The following ILRUN variants were observed in gnomAD, a reference collection of about 807,000 sequenced individuals.
ILRUN encodes protein ILRUN.
Under a neutral mutation model 33.8 loss-of-function variants are expected in ILRUN, and 3 were observed. That is an observed-to-expected ratio of 0.09 (90% CI 0.04 to 0.23). The LOEUF (loss-of-function observed/expected upper bound fraction) is 0.23. ILRUN is among the 10% of genes least tolerant of loss of function. The probability of loss-of-function intolerance (pLI) is 1.00; values close to 1 mark genes in which losing one functional copy is unlikely to be tolerated. For synonymous variants in ILRUN, 124 were observed against 138.9 expected (o/e 0.89, Z 0.75); for missense variants, 210 against 375.1 (o/e 0.56, Z 3.64).
chr6:34,659,710 C>T (rs1268277765), intron 1 of ILRUN, among the ~76,000 whole-genome samples: 2 of 150,334 alleles, frequency 1.3e-5, no homozygotes, highest in African/African-American at 4.9e-5. Flanking sequence ...CAACCTCCAC[C>T]TCCCGGGTTC....
intron 4 of ILRUN, among the ~76,000 whole-genome samples, chr6:34,604,599 C>T (rs1004044209): frequency 1.3e-5 from 2 of 152,190 alleles, no homozygotes; most frequent in Admixed American, 6.5e-5. Flanking sequence ...CATGCTTAGC[C>T]CAGGGCTGGC....
rs192853951 is a variant in ILRUN at position 34,590,709 on chromosome 6, C to T, written c.862-109G>A. On this transcript the variant is annotated intron_variant, in intron 4 of 4. Coordinates refer to ENST00000374023, the MANE Select transcript of ILRUN (RefSeq NM_024294.4). ...CAGTGAGTCACAAGGAAGCCCCAAT[C>T]CACAGACAAGGCCTGAGGGTCTTTG... 8.4e-3 allele frequency: 6,984 copies of T among 833,618 alleles called. 36 individuals carry two copies. Among genetic ancestry groups the T allele is most frequent in the Non-Finnish European group, 0.012 (5,525 of 476,190 alleles). 51.6% of individuals were successfully genotyped at this position (833,618 alleles called of 1,614,324 possible).
chr6:34,650,407 T>TTATATTTA (rs1554186669), intron 2 of ILRUN, among the ~76,000 whole-genome samples: 1 of 141,440 alleles, frequency 7.1e-6, no homozygotes, highest in African/African-American at 2.6e-5. Flanking sequence ...ATTTATTTAT[T>TTATATTTA]TTTATTTATT....
rs145271124 is a variant in ILRUN at position 34,683,558 on chromosome 6, G to A, written c.158+12888C>T. Among the ~76,000 whole-genome samples, 298 of 145,442 alleles carry A rather than the reference G, an allele frequency of 2.0e-3. 3 individuals carry two copies. The highest frequency in any genetic ancestry group is 3.8e-3 in the Non-Finnish European group (256 of 67,052). ...TTGCACAGAATATTCTGTGCAATGG[G>A]GCAATCTCAGCTCCGAATATAATGC... On this transcript the variant is annotated intron_variant, in intron 1 of 4. Coordinates refer to ENST00000374023, the MANE Select transcript of ILRUN (RefSeq NM_024294.4).
chr6:34,665,835 A>G (rs940152864), intron 1 of ILRUN, among the ~76,000 whole-genome samples: 1 of 152,202 alleles, frequency 6.6e-6, no homozygotes, highest in Non-Finnish European at 1.5e-5. Context: ...TTAAGAAGAA[A>G]TGCCACACTT....
intron 3 of ILRUN, among the ~76,000 whole-genome samples, chr6:34,645,106 A>G (rs1374572248): frequency 6.6e-6 from 1 of 152,206 alleles, no homozygotes; most frequent in African/African-American, 2.4e-5. Flanking sequence ...ACTGGCTCCA[A>G]AAACATATAT....
At chr6:34,692,675 C>G (rs1213584998) in intron 1 of ILRUN, among the ~76,000 whole-genome samples, 1 of 152,020 alleles carries the variant, frequency 6.6e-6, no homozygotes, top group Non-Finnish European at 1.5e-5. Context: ...TGGCTCATGT[C>G]TATAATCCCA....
intron 1 of ILRUN, among the ~76,000 whole-genome samples, chr6:34,695,079 A>G (rs1012878521): frequency 2.6e-5 from 4 of 151,632 alleles, no homozygotes; most frequent in Admixed American, 2.6e-4. Flanking sequence ...AAATTTACAC[A>G]TTACCTTTGG....
intron 3 of ILRUN, among the ~76,000 whole-genome samples, chr6:34,632,818 C>T (rs1477019237): frequency 1.3e-5 from 2 of 152,116 alleles, no homozygotes; most frequent in Middle Eastern, 3.4e-3. Context: ...CCACCACGCC[C>T]GGCCAGAGCA....
chr6:34,661,434 G>A (rs527799438), intron 1 of ILRUN, among the ~76,000 whole-genome samples: 1 of 152,298 alleles, frequency 6.6e-6, no homozygotes, highest in African/African-American at 2.4e-5. Flanking sequence ...TAAGGGCTGG[G>A]CACGGTGGCT....
At chr6:34,655,090 C>T (rs9968844) in intron 1 of ILRUN, among the ~76,000 whole-genome samples, 1 of 152,072 alleles carries the variant, frequency 6.6e-6, no homozygotes, top group African/African-American at 2.4e-5. Context: ...AAAGAGAGTT[C>T]TATAACTACG....
chr6:34,622,984 A>C (rs896470242), intron 3 of ILRUN, among the ~76,000 whole-genome samples: 3 of 152,234 alleles, frequency 2.0e-5, no homozygotes, highest in Non-Finnish European at 2.9e-5. Context: ...AAGTGAAATA[A>C]AGTAGTCCCA....
chr6:34,640,112 A>G (rs1390911159), intron 3 of ILRUN, among the ~76,000 whole-genome samples: 1 of 152,226 alleles, frequency 6.6e-6, no homozygotes, highest in Non-Finnish European at 1.5e-5. Flanking sequence ...TCAGATACTT[A>G]TTAGTCTTGG....
In ILRUN at chr6:34,590,239, G is replaced by A. The variant is rs149164602; in HGVS notation, c.*326C>T. 3.3e-4 allele frequency: 64 copies of A among 193,124 alleles called. No individual in the cohort carries two copies. Among genetic ancestry groups the A allele is most frequent in the African/African-American group, 1.3e-3 (58 of 43,198 alleles). 12.0% of individuals were successfully genotyped at this position (193,124 alleles called of 1,614,324 possible). The stretch of plus-strand genomic sequence containing the variant: ...AAAATAATTTTTGTTTAAAAAGATG[G>A]CTTTTTTTCCCCCATTTTAAACTTT... On this transcript the variant is annotated 3_prime_UTR_variant, in exon 5 of 5. Coordinates refer to ENST00000374023, the MANE Select transcript of ILRUN (RefSeq NM_024294.4).
At chr6:34,628,585 G>A (rs1323295405) in intron 3 of ILRUN, among the ~76,000 whole-genome samples, 1 of 151,926 alleles carries the variant, frequency 6.6e-6, no homozygotes, top group Non-Finnish European at 1.5e-5. Flanking sequence ...GCCCGCCTCG[G>A]CCTCCCAAAG....
rs1761894996 is a variant in ILRUN, at chr6:34,616,495, G to A, written c.512-9591C>T. Reference sequence around the variant, plus strand: ...TGGACTGAAACATGCCCCAACAGTAGGCAGTGCAAAAGTCAGTATTATGCT... The same window carrying A: ...TGGACTGAAACATGCCCCAACAGTAAGCAGTGCAAAAGTCAGTATTATGCT... On this transcript the variant is annotated intron_variant, in intron 3 of 4. Coordinates refer to ENST00000374023, the MANE Select transcript of ILRUN (RefSeq NM_024294.4). The A allele has an allele frequency of 7.6e-6, 6 of 786,442 alleles. No homozygotes were observed. The South Asian group carries it at 7.8e-5, about 10-fold the overall frequency. The allele number at this position is 786,442 out of a possible 1,614,324, so 48.7% of individuals were successfully genotyped here.
intron 1 of ILRUN, among the ~76,000 whole-genome samples, chr6:34,671,492 GAGAA>G (rs1358695596): frequency 1.3e-5 from 2 of 152,172 alleles, no homozygotes; most frequent in Non-Finnish European, 2.9e-5. Context: ...ATTCTATTTG[GAGAA>G]AGAAAGTTAT....
At position 34,646,661 on chromosome 6, in the gene ILRUN, T is replaced by G. The variant is rs779220846; in HGVS notation, c.451A>C (p.Arg151=). 1.9e-6 allele frequency: 3 copies of G among 1,614,196 alleles called. No individual in the cohort carries two copies. In the South Asian group the frequency reaches 3.3e-5, roughly 18 times the overall value. ...CACTGTCCCTGATACATTCCTGCTCTGCTGGGGCTGCACATCTGGACGCTG... is the reference window on the plus strand; with the variant it reads ...CACTGTCCCTGATACATTCCTGCTCGGCTGGGGCTGCACATCTGGACGCTG... The part of the protein sequence containing the change: ...DVSVQMCSPS[R]AGMYQGQWRM... Residue 151 remains arginine (R), a synonymous_variant, in exon 3 of 5, where the codon AGA becomes CGA. Coordinates refer to ENST00000374023, the MANE Select transcript of ILRUN (RefSeq NM_024294.4). The surrounding 1 kb of genome is among the most constrained non-coding windows in gnomAD (Gnocchi z 4.9).
intron 1 of ILRUN, among the ~76,000 whole-genome samples, chr6:34,685,891 A>G (rs1763506074): frequency 6.6e-6 from 1 of 152,216 alleles, no homozygotes; most frequent in Non-Finnish European, 1.5e-5. Context: ...CTCATACCAT[A>G]CACAAAAATT....
Sources: gnomAD v4.1 joint callset for allele counts (sites outside exome capture counted in the v4.1 genomes callset) on GRCh38, gnomAD v4.1.1 for gene constraint, Gnocchi (gnomAD v3.1) non-coding constraint, MANE v1.5 for transcripts, NCBI Gene and HGNC (gene_info 2026-07-23, HGNC 2026-07-21) for gene names.